Variants in KDM5A observed in about 807,000 individuals in gnomAD.
KDM5A encodes the protein lysine demethylase 5A.
Under a neutral mutation model 193.5 loss-of-function variants are expected in KDM5A, and 42 were observed. The ratio of observed to expected loss-of-function variants is 0.22; its 90% CI spans 0.17 to 0.28. The LOEUF (loss-of-function observed/expected upper bound fraction) is 0.28, where lower values mean the gene tolerates loss of function less well. Ranked by LOEUF, KDM5A falls within the 10% of genes least tolerant of loss-of-function variation. The pLI is 1.00. For synonymous variants in KDM5A, 796 were observed against 718.1 expected, an observed-to-expected ratio of 1.11 and a Z score of -1.73; for missense variants, 1,692 against 2,055.1, an observed-to-expected ratio of 0.82 and a Z score of 3.42.
In KDM5A at chr12:323,708, G is replaced by A. The variant is rs1943750183; in HGVS notation, c.2042C>T (p.Thr681Ile). 1 of 1,613,888 alleles carries A rather than the reference G, an allele frequency of 6.2e-7. No individual in the cohort carries two copies. Among genetic ancestry groups the A allele is most frequent in the Non-Finnish European group, 8.5e-7 (1 of 1,179,868 alleles). ...TGTGAGAGCAGAGAGAAAACATGTG[G>A]TTCTGCATGCTGAACACTGCCGCTC... ...DDERQCSACR[T>I]TCFLSALTCS... The change falls in exon 15 of 28, where the codon ACC (threonine) becomes ATC (isoleucine). Residue 681 changes from threonine (T) to isoleucine (I), a missense_variant. Thr to Ile is a moderately conservative substitution (Grantham distance 89). Around this residue, in one of 11 missense-constraint regions of KDM5A, gnomAD observed 88 missense variants for 124.6 expected, o/e 0.71. Transcript: ENST00000399788.
intron 26 of KDM5A, 67 bp downstream of exon 26, chr12:295,506 T>G (rs1591898583): frequency 1.4e-6 from 2 of 1,447,258 alleles, no homozygotes; most frequent in African/African-American, 2.8e-5. Flanking sequence ...CCAACATTTA[T>G]GATACCTCTA....
Position 284,789 on chromosome 12 carries a change from T to C in KDM5A, c.*667A>G, listed in dbSNP as rs546413552. 1 of 233,462 alleles carries C rather than the reference T, an allele frequency of 4.3e-6. No homozygotes were observed. The highest frequency in any genetic ancestry group is 1.8e-4 in the South Asian group (1 of 5,530). The allele number at this position is 233,462 out of a possible 1,614,324, so 14.5% of individuals were successfully genotyped here. A position where few individuals can be genotyped will look rare whatever the true frequency, so the allele number is the denominator to read the frequency against. Reference sequence around the variant, plus strand: ...ATCCAATCTAGTCAGATTTCTGATCTAGATGATATCCTCATCTTACAAAGA... The same window carrying C: ...ATCCAATCTAGTCAGATTTCTGATCCAGATGATATCCTCATCTTACAAAGA... On this transcript the variant is annotated 3_prime_UTR_variant, in exon 28 of 28. Coordinates refer to ENST00000399788, the MANE Select transcript of KDM5A (RefSeq NM_001042603.3).
chr12:364,460 C>A (rs1473622551), intron 4 of KDM5A, among the ~76,000 whole-genome samples: 3 of 127,716 alleles, frequency 2.3e-5, no homozygotes, highest in African/African-American at 9.0e-5. Context: ...CTGGGCGACA[C>A]AGCAAGATTC....
intron 10 of KDM5A, among the ~76,000 whole-genome samples, chr12:335,021 T>C (rs1943911090): frequency 6.6e-6 from 1 of 151,796 alleles, no homozygotes; most frequent in African/African-American, 2.4e-5. Flanking sequence ...GGATAAATTA[T>C]AACAATAAGA....
intron 10 of KDM5A, among the ~76,000 whole-genome samples, chr12:336,382 C>G (rs1943934137): frequency 6.9e-6 from 1 of 144,468 alleles, no homozygotes; most frequent in Non-Finnish European, 1.5e-5. Context: ...AAAAAAGTCA[C>G]AGAGGATGGA....
chr12:329,552 A>C (rs1943836156), intron 13 of KDM5A, among the ~76,000 whole-genome samples: 1 of 152,100 alleles, frequency 6.6e-6, no homozygotes, highest in South Asian at 2.1e-4. Context: ...ATTGGCTGAC[A>C]TTTAGTTTTT....
In KDM5A at chr12:309,961, G is replaced by C; in HGVS notation, c.3220C>G (p.Leu1074Val). The C allele has an allele frequency of 6.2e-7, 1 of 1,612,068 alleles. No individual in the cohort carries two copies. Among genetic ancestry groups the C allele is most frequent in the Non-Finnish European group, 8.5e-7 (1 of 1,179,588 alleles). ...ACACCAATGTCGGTCCGGGGGCTCA[G>C]CACCTACAAAAATAAAACCACCATT... ...KNSSHTLLQVLSPRTDIGVYG... is the reference protein window; with the variant it reads ...KNSSHTLLQVVSPRTDIGVYG... The change falls in exon 22 of 28, where the codon CTG (leucine) becomes GTG (valine). Residue 1074 changes from leucine to valine, a missense_variant. Leu to Val is a conservative substitution (Grantham distance 32, BLOSUM62 1). Transcript: ENST00000399788.
At chr12:358,256 A>T (rs562854131) in intron 5 of KDM5A, among the ~76,000 whole-genome samples, 1 of 152,228 alleles carries the variant, frequency 6.6e-6, no homozygotes, top group Non-Finnish European at 1.5e-5. Flanking sequence ...GCATGAAAAT[A>T]ACCCAGGATA....
At chr12:378,958 CA>C (rs11364846) in intron 3 of KDM5A, among the ~76,000 whole-genome samples, 64,531 of 105,980 alleles carry the variant, frequency 0.61, 16,117 homozygotes, top group Middle Eastern at 0.74. Context: ...GACTCCATCT[CA>C]AAAAAAAAAA....
intron 27 of KDM5A, among the ~76,000 whole-genome samples, chr12:289,930 T>TTTTTTTTTTTTTTTTTTA (rs1943272379): frequency 7.7e-6 from 1 of 130,638 alleles, no homozygotes; most frequent in Non-Finnish European, 1.7e-5. Context: ...TTTTTTTTTT[T>TTTTTTTTTTTTTTTTTTA]ACATCATCTT....
At chr12:317,223 C>A (rs79857856) in intron 19 of KDM5A, among the ~76,000 whole-genome samples, 1 of 152,122 alleles carries the variant, frequency 6.6e-6, no homozygotes, top group Non-Finnish European at 1.5e-5. Flanking sequence ...CCAGGGAAAC[C>A]CACTTATTTT....
chr12:329,092 C>G, intron 13 of KDM5A, 63 bp from the exon 14 acceptor site: 2 of 1,381,152 alleles, frequency 1.4e-6, no homozygotes, highest in Non-Finnish European at 2.1e-6. Context: ...AGAACCACTA[C>G]TTACCCTCCA....
In KDM5A at chr12:303,409, A is replaced by G. The variant is rs150536875; in HGVS notation, c.4074+3537T>C. ...CCATCATTCTCAGCAAACTAACACA[A>G]GAACAGGAAACCAAACACTGCATGT... On this transcript the variant is annotated intron_variant, in intron 24 of 27. Coordinates refer to ENST00000399788, the MANE Select transcript of KDM5A (RefSeq NM_001042603.3). Among the ~76,000 whole-genome samples, 1,511 of 152,332 alleles carry G rather than the reference A, an allele frequency of 9.9e-3. 18 individuals carry two copies. The highest frequency in any genetic ancestry group is 0.034 in the African/African-American group (1,417 of 41,568).
chr12:386,864 G>T (rs1043778050), intron 1 of KDM5A, among the ~76,000 whole-genome samples: 5 of 151,162 alleles, frequency 3.3e-5, no homozygotes, highest in African/African-American at 9.7e-5. Flanking sequence ...ATGAGGTCAT[G>T]TACCACAAAA....
chr12:382,490 A>G (rs1278229804), intron 3 of KDM5A, among the ~76,000 whole-genome samples: 2 of 152,076 alleles, frequency 1.3e-5, no homozygotes, highest in Admixed American at 6.6e-5. Context: ...GAAATCTTCT[A>G]AAAGTAACTG....
intron 24 of KDM5A, among the ~76,000 whole-genome samples, chr12:300,740 G>A (rs1482250413): frequency 6.6e-6 from 1 of 152,156 alleles, no homozygotes; most frequent in Non-Finnish European, 1.5e-5. Context: ...ATGAATCCAG[G>A]AGCTGGTTTT....
At position 281,642 on chromosome 12, in the gene KDM5A, G is replaced by A; in HGVS notation, c.*3814C>T. 1 of 234,120 alleles carries A rather than the reference G, an allele frequency of 4.3e-6. No homozygotes were observed. The highest frequency in any genetic ancestry group is 6.0e-5 in the East Asian group (1 of 16,568). The allele number at this position is 234,120 out of a possible 1,614,324, so 14.5% of individuals were successfully genotyped here. ...CACATGTGAAGCTTTATTAAATCTG[G>A]TTATATGTGGGACTTCAACAGCTCA... On this transcript the variant is annotated 3_prime_UTR_variant, in exon 28 of 28. Transcript: ENST00000399788.
intron 24 of KDM5A, among the ~76,000 whole-genome samples, chr12:305,967 G>GTGT (rs1943498096): frequency 1.9e-5 from 2 of 107,318 alleles, no homozygotes; most frequent in Non-Finnish European, 3.7e-5. Context: ...AGCAATGGAA[G>GTGT]TGTTTTTTTT....
intron 10 of KDM5A, among the ~76,000 whole-genome samples, chr12:340,218 C>T (rs931603514): frequency 1.3e-5 from 2 of 151,968 alleles, no homozygotes; most frequent in East Asian, 1.9e-4. Flanking sequence ...AAAGACATTG[C>T]GACTCCATCT....
Sources: allele counts gnomAD v4.1 joint callset (sites outside exome capture counted in the v4.1 genomes callset), GRCh38; gene constraint gnomAD v4.1.1; regional missense constraint gnomAD v4.1.1; transcripts MANE v1.5; gene names NCBI Gene and HGNC (gene_info 2026-07-23, HGNC 2026-07-21).